Variants in ZNF831 observed in about 807,000 individuals in gnomAD.
ZNF831 encodes the protein chromosome 20 open reading frame 174.
ZNF831 carries 59 observed loss-of-function variants against 95.8 expected under a neutral mutation model. The ratio of observed to expected loss-of-function variants is 0.62; its 90% CI spans 0.50 to 0.77. The LOEUF (loss-of-function observed/expected upper bound fraction) is 0.77, where lower values mean the gene tolerates loss of function less well. ZNF831 is among the 30% of genes least tolerant of loss of function. The pLI, the probability that ZNF831 is intolerant of heterozygous loss-of-function variation, is 0.00. For missense variants in ZNF831, 2,205 were observed against 2,164.0 expected (o/e 1.02, Z -0.38); for synonymous variants, 961 against 925.5 (o/e 1.04, Z -0.70).
chr20:59,141,092 G>T lies in ZNF831; in HGVS notation c.-1424-5139G>T, dbSNP rs926828346. Among the ~76,000 whole-genome samples the T allele has an allele frequency of 7.2e-5, 11 of 152,190 alleles. No homozygotes were observed. In the South Asian group the frequency reaches 1.0e-3, roughly 14 times the overall value. On this transcript the variant is annotated intron_variant, in intron 1 of 7. Coordinates refer to the ZNF831 transcript ENST00000637017. ...TTTTTGTATTTTTAGTAGAGACGAG[G>T]TTTCACCATGTTGGCCAGGCTGGTC... is the stretch of plus-strand genomic sequence containing the variant.
intron 3 of ZNF831, among the ~76,000 whole-genome samples, chr20:59,199,753 ATTAC>A (rs1984396474): frequency 6.6e-6 from 1 of 152,080 alleles, no homozygotes; most frequent in Non-Finnish European, 1.5e-5. Flanking sequence ...TTCCAAGTCT[ATTAC>A]TTGTCTTTTT....
intron 4 of ZNF831, among the ~76,000 whole-genome samples, chr20:59,223,518 G>A (rs1215578337): frequency 6.6e-6 from 1 of 152,222 alleles, no homozygotes; most frequent in African/African-American, 2.4e-5. Context: ...TGCTCCAGCG[G>A]CTACGGGAAC....
At chr20:59,177,899 C>T (rs1421228858) in intron 1 of ZNF831, among the ~76,000 whole-genome samples, 1 of 152,208 alleles carries the variant, frequency 6.6e-6, no homozygotes, top group African/African-American at 2.4e-5. Context: ...GCAAAGTGCC[C>T]TTGCAGAAGC....
At position 59,192,589 on chromosome 20, in the gene ZNF831, G is replaced by A; in HGVS notation, c.1570G>A (p.Asp524Asn). ...GTGGCTGGAGCCCAGGGAGCCCCGG[G>A]ACCCCTGGTCCAGGACGCAGAAGCC... Reference protein sequence around the residue: ...RTWLEPREPRDPWSRTQKPLS... With the variant: ...RTWLEPREPRNPWSRTQKPLS... The change falls in exon 2 of 6, where the codon GAC becomes AAC. Residue 524 changes from aspartate (D) to asparagine (N), a missense_variant. Asp to Asn is a conservative substitution (Grantham distance 23). Transcript: ENST00000371030. This position sits in a 1 kb window ranked among gnomAD's most constrained non-coding sequence, Gnocchi z 5.2. 3 of 1,512,226 alleles carry A rather than the reference G, an allele frequency of 2.0e-6. No homozygotes were observed. Among genetic ancestry groups the A allele is most frequent in the Non-Finnish European group, 2.6e-6 (3 of 1,134,052 alleles). The allele number at this position is 1,512,226 out of a possible 1,614,324, so 93.7% of individuals were successfully genotyped here. A position where few individuals can be genotyped will look rare whatever the true frequency, so the allele number is the denominator to read the frequency against.
At position 59,192,653 on chromosome 20, in the gene ZNF831, G is replaced by C. The variant is rs772646602; in HGVS notation, c.1634G>C (p.Arg545Pro). ...CCCGGCCCAGCCCGCCTGGGCTGCC[G>C]CTCGGGACTAAGCTCGACTGACGTT... ...PRPGPARLGC[R>P]SGLSSTDVPS... Residue 545 changes from arginine (R) to proline (P), a missense_variant, in exon 2 of 6, where the codon CGC becomes CCC. By Grantham distance (103) the Arg-to-Pro change is moderately radical. Coordinates refer to ENST00000371030, the MANE Select transcript of ZNF831 (RefSeq NM_178457.3). This position sits in a 1 kb window ranked among gnomAD's most constrained non-coding sequence, Gnocchi z 5.2. 4 of 1,514,170 alleles carry C rather than the reference G, an allele frequency of 2.6e-6. No homozygotes were observed. The South Asian group carries it at 5.2e-5, about 20-fold the overall frequency. The allele number at this position is 1,514,170 out of a possible 1,614,324, so 93.8% of individuals were successfully genotyped here.
Position 59,191,419 on chromosome 20 carries a change from A to T in ZNF831, c.400A>T (p.Ser134Cys), listed in dbSNP as rs2062823916. Residue 134 changes from serine to cysteine, a missense_variant, in exon 2 of 6, where the codon AGC (serine) becomes TGC (cysteine). Ser to Cys is a moderately radical substitution (Grantham distance 112, BLOSUM62 -1). Transcript: ENST00000371030. ...GCCGGGCCTGGGCCCCACGCTGGGC[A>T]GCCCAGGCAAGGTGCGGAATGCGGG... ...LSPGLGPTLG[S>C]PGKVRNAGKY... 6.2e-7 allele frequency: 1 copy of T among 1,611,918 alleles called. No individual in the cohort carries two copies. Among genetic ancestry groups the T allele is most frequent in the Non-Finnish European group, 8.5e-7 (1 of 1,179,484 alleles).
chr20:59,137,188 C>G (rs537554554), intron 1 of ZNF831, among the ~76,000 whole-genome samples: 1 of 152,104 alleles, frequency 6.6e-6, no homozygotes, highest in Admixed American at 6.5e-5. Context: ...GTCTCTATTA[C>G]AAAACCCAAA....
At position 59,193,206 on chromosome 20, in the gene ZNF831, G is replaced by A. The variant is rs2146578925; in HGVS notation, c.2187G>A (p.Val729=). ...DSDRPRVEEA[V]SSPALGGRDS... ...ACCGACCCAGGGTGGAAGAGGCTGT[G>A]TCATCCCCTGCACTGGGTGGCAGAG... is the stretch of plus-strand genomic sequence containing the variant. The change falls in exon 2 of 6, where the codon GTG becomes GTA. Residue 729 remains valine (V), a synonymous_variant. Transcript: ENST00000371030. 1.9e-6 allele frequency: 3 copies of A among 1,585,060 alleles called. No individual in the cohort carries two copies. Among genetic ancestry groups the A allele is most frequent in the Non-Finnish European group, 2.6e-6 (3 of 1,165,406 alleles).
At chr20:59,224,650 C>G (rs144445555) in intron 4 of ZNF831, among the ~76,000 whole-genome samples, 97 of 152,266 alleles carry the variant, frequency 6.4e-4, no homozygotes, top group Non-Finnish European at 1.2e-3. Context: ...CTCTGACTTT[C>G]GATTGTTTCT....
At chr20:59,179,302 G>A (rs113150119) in intron 1 of ZNF831, among the ~76,000 whole-genome samples, 2 of 152,278 alleles carry the variant, frequency 1.3e-5, no homozygotes, top group Admixed American at 1.3e-4. Flanking sequence ...CTCTCTGGTT[G>A]AAGCCTGACC....
chr20:59,178,896 G>A lies in ZNF831; in HGVS notation c.-36-12088G>A, dbSNP rs887344979. On this transcript the variant is annotated intron_variant, in intron 1 of 5. Coordinates refer to ENST00000371030, the MANE Select transcript of ZNF831 (RefSeq NM_178457.3). ...CACAGGACTTGGAAATGCATGGTGG[G>A]ATTTGGGTCGTCCTCCAGAGCCCGC... is the stretch of plus-strand genomic sequence containing the variant. Among the ~76,000 whole-genome samples, 7 of 152,156 alleles carry A rather than the reference G, an allele frequency of 4.6e-5. No homozygotes were observed. The South Asian group carries it at 6.2e-4, about 14-fold the overall frequency.
intron 2 of ZNF831, among the ~76,000 whole-genome samples, chr20:59,148,553 G>A (rs976060542): frequency 9.4e-5 from 13 of 138,116 alleles, no homozygotes; most frequent in Admixed American, 5.6e-4. Context: ...GGTGGCGCGC[G>A]CCTGTAGTCC....
At chr20:59,184,442 A>G (rs1982854194) in intron 1 of ZNF831, among the ~76,000 whole-genome samples, 1 of 151,908 alleles carries the variant, frequency 6.6e-6, no homozygotes, top group African/African-American at 2.4e-5. Context: ...TTGCGATACA[A>G]CATACATAAA....
At chr20:59,148,770 T>C (rs1284904555) in intron 2 of ZNF831, among the ~76,000 whole-genome samples, 3 of 141,926 alleles carry the variant, frequency 2.1e-5, no homozygotes, top group Non-Finnish European at 3.0e-5. Context: ...GGGTCTCATG[T>C]CTTGAGGCTC....
Position 59,208,524 on chromosome 20 carries a change from C to A in ZNF831, c.4027+1468C>A, listed in dbSNP as rs1246132720. On this transcript the variant is annotated intron_variant, in intron 4 of 5. Transcript: ENST00000371030. This position sits in a 1 kb window ranked among gnomAD's most constrained non-coding sequence, Gnocchi z 4.2. ...GAGTTTTCCAATGTATAACCCACAG[C>A]TGGGAATCCAGGTCCAGCCCAGCAC... Among the ~76,000 whole-genome samples the A allele has an allele frequency of 1.3e-5, 2 of 152,204 alleles. No homozygotes were observed. The highest frequency in any genetic ancestry group is 1.9e-4 in the East Asian group (1 of 5,200).
At chr20:59,245,532 A>G (rs1300367614) in intron 4 of ZNF831, among the ~76,000 whole-genome samples, 1 of 152,232 alleles carries the variant, frequency 6.6e-6, no homozygotes, top group Non-Finnish European at 1.5e-5. Flanking sequence ...TATTTGTTGC[A>G]GTGTGGGATG....
rs150061933 is a variant in ZNF831, at chr20:59,237,694, C to T, written c.4028-15284C>T. 1.9e-3 allele frequency among the ~76,000 whole-genome samples: 295 copies of T among 152,248 alleles called. 1 individual carries two copies. Among genetic ancestry groups the T allele is most frequent in the African/African-American group, 6.8e-3 (282 of 41,544 alleles). ...CCTTTGAGGGCTGTCAGGACCATTT[C>T]CATGCTTGGGATATTTGTGAGGTGC... On this transcript the variant is annotated intron_variant, in intron 4 of 5. Coordinates refer to ENST00000371030, the MANE Select transcript of ZNF831 (RefSeq NM_178457.3).
intron 1 of ZNF831, among the ~76,000 whole-genome samples, chr20:59,168,520 A>G (rs905625923): frequency 2.0e-5 from 3 of 147,578 alleles, no homozygotes; most frequent in African/African-American, 7.6e-5. Flanking sequence ...CTCATCTGCA[A>G]GTAGGGATAG....
Position 59,191,247 on chromosome 20 carries a change from G to T in ZNF831, c.228G>T (p.Pro76=), listed in dbSNP as rs759811753. ...VPPGGLQPRA[P]LVTGSLDGGN... is the part of the protein sequence containing the mutation. ...CCGGGGGCCTCCAGCCCCGCGCCCC[G>T]CTAGTGACGGGCAGCCTAGATGGGG... The change falls in exon 2 of 6, where the codon CCG becomes CCT. Residue 76 remains proline, a synonymous_variant. Coordinates refer to ENST00000371030, the MANE Select transcript of ZNF831 (RefSeq NM_178457.3). 2 of 1,547,812 alleles carry T rather than the reference G, an allele frequency of 1.3e-6. No homozygotes were observed. Among genetic ancestry groups the T allele is most frequent in the Non-Finnish European group, 1.7e-6 (2 of 1,147,670 alleles).
Sources: gnomAD v4.1 joint callset for allele counts (sites outside exome capture counted in the v4.1 genomes callset) on GRCh38, gnomAD v4.1.1 for gene constraint, Gnocchi (gnomAD v3.1) non-coding constraint, MANE v1.5 for transcripts, NCBI Gene and HGNC (gene_info 2026-07-23, HGNC 2026-07-21) for gene names.